RPL34: variants seen among roughly 807,000 people sequenced by gnomAD.
RPL34 encodes ribosomal protein L34.
In RPL34, 2 loss-of-function variants were observed where a neutral mutation model predicts 16.3. That is an observed-to-expected ratio of 0.12 (90% CI 0.05 to 0.39). The LOEUF (loss-of-function observed/expected upper bound fraction) is 0.39. RPL34 is among the 10% of genes least tolerant of loss of function. The probability of loss-of-function intolerance (pLI) is 0.99; values close to 1 mark genes in which losing one functional copy is unlikely to be tolerated. For synonymous variants in RPL34, 47 were observed against 48.5 expected, an observed-to-expected ratio of 0.97 and a Z score of 0.13; for missense variants, 82 against 148.8, an observed-to-expected ratio of 0.55 and a Z score of 2.33.
At chr4:108,630,187 C>T (rs1726128749), downstream of RPL34, 1 of 151,950 alleles carries the variant, frequency 6.6e-6, no homozygotes, top group Non-Finnish European at 1.5e-5. Flanking sequence ...TCCTGTTTTC[C>T]CCCAGAGAGC....
chr4:108,625,164 C>T lies in RPL34; in HGVS notation c.306C>T (p.Ile102=), dbSNP rs143745435. Residue 102 remains isoleucine, a synonymous_variant, in exon 5 of 5, where the codon ATC becomes ATT. Transcript: ENST00000394667. The part of the protein sequence containing the change: ...KRAFLIEEQK[I]VVKVLKAQAQ... The stretch of plus-strand genomic sequence containing the variant: ...CTTTCCTTATCGAGGAGCAGAAAAT[C>T]GTTGTGAAAGTGTTGAAGGCACAAG... The T allele has an allele frequency of 5.0e-6, 8 of 1,610,460 alleles. No individual in the cohort carries two copies. The African/African-American group carries it at 5.4e-5, about 11-fold the overall frequency.
intron 4 of RPL34, among the ~76,000 whole-genome samples, chr4:108,623,776 T>C (rs935726767): frequency 3.9e-5 from 6 of 152,214 alleles, no homozygotes; most frequent in African/African-American, 1.4e-4. Flanking sequence ...GGAGGTAGAT[T>C]GTAAGAGAAC....
rs576203571 is a variant in RPL34, at chr4:108,624,036, G to A, written c.270-1092G>A. On this transcript the variant is annotated intron_variant, in intron 4 of 4. Coordinates refer to ENST00000394667, the MANE Select transcript of RPL34 (RefSeq NM_001319236.2). ...GAAGTGTACATTGGAGATAAGTCAT[G>A]AGTTTTAAGCTGAAGAAGTTTGGCT... is the stretch of plus-strand genomic sequence containing the variant. Among the ~76,000 whole-genome samples, 37 of 147,860 alleles carry A rather than the reference G, an allele frequency of 2.5e-4. 1 individual carries two copies. The South Asian group carries it at 8.0e-3, about 32-fold the overall frequency.
intron 1 of RPL34, 66 bp from the exon 2 acceptor site, chr4:108,621,885 T>C: frequency 9.6e-7 from 1 of 1,036,692 alleles, no homozygotes; most frequent in Non-Finnish European, 1.5e-6. Context: ...GACCACATGA[T>C]ACTGTTTTGA....
chr4:108,626,854 A>T (rs1726018657), downstream of RPL34, among the ~76,000 whole-genome samples: 1 of 152,130 alleles, frequency 6.6e-6, no homozygotes, highest in Non-Finnish European at 1.5e-5. Flanking sequence ...GTAAATTTTG[A>T]CTATTTTCCT....
At chr4:108,629,958 T>C (rs1726124022), downstream of RPL34, 1 of 152,210 alleles carries the variant, frequency 6.6e-6, no homozygotes, top group Non-Finnish European at 1.5e-5. Flanking sequence ...CAGTTCTGAA[T>C]GTTATGATTT....
downstream of RPL34, among the ~76,000 whole-genome samples, chr4:108,627,864 A>G (rs1414312448): frequency 6.6e-6 from 1 of 152,120 alleles, no homozygotes; most frequent in Admixed American, 6.5e-5. Flanking sequence ...CTCAAAAAAA[A>G]AAAAAAAATT....
chr4:108,621,984 C>T lies in RPL34; in HGVS notation c.25C>T (p.Arg9Cys), dbSNP rs1725799024. The T allele has an allele frequency of 6.2e-7, 1 of 1,612,284 alleles. No individual in the cohort carries two copies. The highest frequency in any genetic ancestry group is 8.5e-7 in the Non-Finnish European group (1 of 1,179,188). Residue 9 changes from arginine to cysteine, a missense_variant, in exon 2 of 5, where the codon CGT (arginine) becomes TGT (cysteine). Coordinates refer to ENST00000394667, the MANE Select transcript of RPL34 (RefSeq NM_001319236.2). MVQRLTYR[R>C]RLSYNTASNK... ...AATGGTCCAGCGTTTGACATACCGA[C>T]GTAGGCTTTCCTACAATACAGCCTC...
At chr4:108,626,920 G>A (rs1368423381), downstream of RPL34, among the ~76,000 whole-genome samples, 3 of 152,118 alleles carry the variant, frequency 2.0e-5, no homozygotes, top group Non-Finnish European at 2.9e-5. Flanking sequence ...AAGCAGAGGA[G>A]AGTTACCGCT....
chr4:108,627,224 G>A (rs1197484599), downstream of RPL34, among the ~76,000 whole-genome samples: 2 of 151,260 alleles, frequency 1.3e-5, no homozygotes, highest in South Asian at 2.1e-4. Flanking sequence ...GTGCGACAGA[G>A]CGAGACTCGG....
At chr4:108,621,664 C>G (rs1024763255) in intron 1 of RPL34, 14 of 330,718 alleles carry the variant, frequency 4.2e-5, no homozygotes, top group Middle Eastern at 9.7e-4. Context: ...TGGCACTTTT[C>G]TGGACACCAC....
downstream of RPL34, among the ~76,000 whole-genome samples, chr4:108,626,871 A>C (rs1001176454): frequency 9.2e-5 from 14 of 152,162 alleles, no homozygotes; most frequent in African/African-American, 3.4e-4. Context: ...TCCTCAGTTG[A>C]GGAAAATTTA....
downstream of RPL34, among the ~76,000 whole-genome samples, chr4:108,625,830 A>G (rs1010960340): frequency 1.3e-5 from 2 of 152,116 alleles, no homozygotes; most frequent in African/African-American, 2.4e-5. Context: ...TGGCCCTTCT[A>G]TTTGAAACTT....
At position 108,622,223 on chromosome 4, in the gene RPL34, G is replaced by T. The variant is rs764830193; in HGVS notation, c.165+19G>T. On this transcript the variant is annotated intron_variant, in intron 3 of 4. Transcript: ENST00000394667. The stretch of plus-strand genomic sequence containing the variant: ...TCGAGGGGTAAGTGTACCTTTTACT[G>T]TGTGCAGCCTAACAAGTCTTGAACT... The T allele has an allele frequency of 1.7e-5, 26 of 1,523,472 alleles. No individual in the cohort carries two copies. The East Asian group carries it at 5.8e-4, about 34-fold the overall frequency. 94.4% of individuals were successfully genotyped at this position (1,523,472 alleles called of 1,614,324 possible).
At chr4:108,630,360 G>T (rs1560615923), downstream of RPL34, 1 of 152,114 alleles carries the variant, frequency 6.6e-6, no homozygotes, top group Non-Finnish European at 1.5e-5. Context: ...CTTCGATTCT[G>T]TAAAGAGTTT....
chr4:108,625,148 T>C lies in RPL34; in HGVS notation c.290T>C (p.Ile97Thr). 2 of 1,609,972 alleles carry C rather than the reference T, an allele frequency of 1.2e-6. No individual in the cohort carries two copies. Among genetic ancestry groups the C allele is most frequent in the Non-Finnish European group, 1.7e-6 (2 of 1,178,126 alleles). The change falls in exon 5 of 5, where the codon ATC becomes ACC. Residue 97 changes from isoleucine (I) to threonine (T), a missense_variant. Coordinates refer to ENST00000394667, the MANE Select transcript of RPL34 (RefSeq NM_001319236.2). The part of the protein sequence containing the change: ...VRDRIKRAFL[I>T]EEQKIVVKVL... ...TCTAGGATCAAGCGTGCTTTCCTTA[T>C]CGAGGAGCAGAAAATCGTTGTGAAA...
downstream of RPL34, among the ~76,000 whole-genome samples, chr4:108,626,198 A>C (rs536579724): frequency 6.6e-6 from 1 of 152,200 alleles, no homozygotes; most frequent in Admixed American, 6.5e-5. Flanking sequence ...CCTGGAGTGC[A>C]ATCTTGGCTT....
chr4:108,622,657 A>G (rs759191255), intron 4 of RPL34, 39 bp downstream of exon 4: 3 of 1,295,232 alleles, frequency 2.3e-6, no homozygotes, highest in East Asian at 4.6e-5. Flanking sequence ...TTAGCAAATT[A>G]TTGTGTGTGT....
chr4:108,628,551 G>A (rs527487654), downstream of RPL34, among the ~76,000 whole-genome samples: 1 of 152,302 alleles, frequency 6.6e-6, no homozygotes, highest in Admixed American at 6.5e-5. Context: ...GTTCTTGCTG[G>A]TGGAAGGAGG....
Sources: allele counts gnomAD v4.1 joint callset (sites outside exome capture counted in the v4.1 genomes callset), GRCh38; gene constraint gnomAD v4.1.1; transcripts MANE v1.5; gene names NCBI Gene and HGNC (gene_info 2026-07-23, HGNC 2026-07-21).